The following DHX30 variants were observed in gnomAD, a reference collection of about 807,000 sequenced individuals.
The protein encoded by DHX30 is DExH-box helicase 30.
A neutral mutation model predicts 116.9 loss-of-function variants in DHX30; 4 were observed. The ratio of observed to expected loss-of-function variants is 0.03; its 90% confidence interval spans 0.02 to 0.08. The LOEUF (loss-of-function observed/expected upper bound fraction) is 0.08, where lower values mean the gene tolerates loss of function less well. DHX30 is among the 10% of genes least tolerant of loss of function. DHX30 has a pLI of 1.00. For synonymous variants in DHX30, 697 were observed against 651.7 expected, an observed-to-expected ratio of 1.07 and a Z score of -1.06; for missense variants, 871 against 1,595.1, an observed-to-expected ratio of 0.55 and a Z score of 7.73.
intron 4 of DHX30, among the ~76,000 whole-genome samples, chr3:47,822,776 C>T (rs1334660751): frequency 6.6e-6 from 1 of 151,316 alleles, no homozygotes; most frequent in Admixed American, 6.6e-5. Flanking sequence ...CAGAACAAGA[C>T]TCTGTCTCAA....
At chr3:47,804,100 T>C (rs2035417282) in intron 1 of DHX30, among the ~76,000 whole-genome samples, 1 of 152,200 alleles carries the variant, frequency 6.6e-6, no homozygotes, top group African/African-American at 2.4e-5. Flanking sequence ...CCCACTGTCA[T>C]TGTGGGTTTT....
In DHX30 at chr3:47,848,808, G is replaced by T; in HGVS notation, c.2760G>T (p.Glu920Asp). 1 of 1,611,520 alleles carries T rather than the reference G, an allele frequency of 6.2e-7. No homozygotes were observed. Among genetic ancestry groups the T allele is most frequent in the Non-Finnish European group, 8.5e-7 (1 of 1,177,824 alleles). ...GCAGCAGCCTACAGAACCGGGCAGA[G>T]GTGGACAAGGTCAGTCCTGGCTCCT... ...PFSSSLQNRA[E>D]VDKVKALLSH... Residue 920 changes from glutamate to aspartate, a missense_variant, in exon 17 of 22, where the codon GAG becomes GAT. Glu to Asp is a conservative substitution (Grantham distance 45). This residue lies in a region of DHX30 where 238 missense variants were observed against 481.0 expected (regional missense o/e 0.49). Coordinates refer to ENST00000445061, the MANE Select transcript of DHX30 (RefSeq NM_138615.3). This position sits in a 1 kb window ranked among gnomAD's most constrained non-coding sequence, Gnocchi z 9.4.
At chr3:47,805,012 A>G (rs1475411740) in intron 1 of DHX30, among the ~76,000 whole-genome samples, 1 of 152,234 alleles carries the variant, frequency 6.6e-6, no homozygotes, top group Non-Finnish European at 1.5e-5. Flanking sequence ...TTAGAACTCA[A>G]AGTGGAAGTA....
At chr3:47,811,133 T>C (rs1212851168) in intron 3 of DHX30, among the ~76,000 whole-genome samples, 82 of 151,748 alleles carry the variant, frequency 5.4e-4, no homozygotes, top group Non-Finnish European at 1.2e-4. Flanking sequence ...TTTTTTTTTT[T>C]AGTTGAGACG....
In DHX30 at chr3:47,816,627, A is replaced by G. The variant is rs2036071773; in HGVS notation, c.29-1395A>G. On this transcript the variant is annotated intron_variant, in intron 3 of 21. Transcript: ENST00000445061. The stretch of plus-strand genomic sequence containing the variant: ...GGCCTCAGCCTCCCAAAGTGCTGGG[A>G]TTATAGGCGTGAGCCACCGCGCCGG... 1.6e-5 allele frequency: 16 copies of G among 985,422 alleles called. No homozygotes were observed. The South Asian group carries it at 7.0e-4, about 43-fold the overall frequency. The allele number at this position is 985,422 out of a possible 1,614,324, so 61.0% of individuals were successfully genotyped here. A position where few individuals can be genotyped will look rare whatever the true frequency, so the allele number is the denominator to read the frequency against.
rs75998143 is a variant in DHX30 at position 47,817,499 on chromosome 3, G to A, written c.29-523G>A. On this transcript the variant is annotated intron_variant, in intron 3 of 21. Transcript: ENST00000445061. ...AGAGGGAGAAGGCTGGTAAGTGTGCGTCTGGTTTTAGCTCTCAAGCTGGAC... is the reference window on the plus strand; with the variant it reads ...AGAGGGAGAAGGCTGGTAAGTGTGCATCTGGTTTTAGCTCTCAAGCTGGAC... Among the ~76,000 whole-genome samples, 465 of 152,294 alleles carry A rather than the reference G, an allele frequency of 3.1e-3. 3 individuals are homozygous for A. The highest frequency in any genetic ancestry group is 0.01 in the African/African-American group (435 of 41,568).
At chr3:47,829,366 C>CA (rs1341277500) in intron 6 of DHX30, among the ~76,000 whole-genome samples, 7 of 99,646 alleles carry the variant, frequency 7.0e-5, no homozygotes, top group Non-Finnish European at 1.3e-4. Context: ...TCCTTTGAGT[C>CA]AGAGTTTCAC....
intron 6 of DHX30, among the ~76,000 whole-genome samples, chr3:47,834,611 AG>A (rs2037020496): frequency 6.6e-6 from 1 of 151,916 alleles, no homozygotes; most frequent in South Asian, 2.1e-4. Flanking sequence ...CTGAGACTGC[AG>A]GTGTGCGCCA....
intron 4 of DHX30, among the ~76,000 whole-genome samples, chr3:47,819,505 C>T (rs1449008040): frequency 2.0e-5 from 3 of 152,194 alleles, no homozygotes; most frequent in African/African-American, 7.2e-5. Flanking sequence ...AGGAGGCATC[C>T]GTGGGTGTGT....
At position 47,846,957 on chromosome 3, in the gene DHX30, A is replaced by G; in HGVS notation, c.1885A>G (p.Lys629Glu). ...GCACTACCTAGAGGACATCCTGGCC[A>G]AGTTGGGCAAGCACCAGTACCTGCA... is the stretch of plus-strand genomic sequence containing the variant. ...KEHYLEDILA[K>E]LGKHQYLHRH... The change falls in exon 11 of 22, where the codon AAG becomes GAG. Residue 629 changes from lysine to glutamate, a missense_variant. Lys to Glu is a moderately conservative substitution (Grantham distance 56). Coordinates refer to ENST00000445061, the MANE Select transcript of DHX30 (RefSeq NM_138615.3). The G allele has an allele frequency of 6.2e-7, 1 of 1,613,502 alleles. No homozygotes were observed.
rs1438448104 is a variant in DHX30, at chr3:47,846,218, C to G, written c.1146C>G (p.Asp382Glu). 6.2e-7 allele frequency: 1 copy of G among 1,614,120 alleles called. No individual in the cohort carries two copies. Among genetic ancestry groups the G allele is most frequent in the South Asian group, 1.1e-5 (1 of 91,088 alleles). ...IAPELRLQSD[D>E]ILPLGKDSGP... ...CAGAACTCCGGCTGCAGAGTGATGA[C>G]ATCTTGCCCTTGGGCAAGGACTCAG... is the stretch of plus-strand genomic sequence containing the variant. Residue 382 changes from aspartate (D) to glutamate (E), a missense_variant, in exon 11 of 22, where the codon GAC becomes GAG. This residue lies in a region of DHX30 where 175 missense variants were observed against 292.9 expected (regional missense o/e 0.60). Coordinates refer to ENST00000445061, the MANE Select transcript of DHX30 (RefSeq NM_138615.3).
intron 6 of DHX30, among the ~76,000 whole-genome samples, chr3:47,833,316 C>T (rs555998623): frequency 6.6e-5 from 10 of 151,378 alleles, no homozygotes; most frequent in Non-Finnish European, 1.2e-4. Flanking sequence ...CTTGAGTCCA[C>T]GAGTTTGAGA....
intron 10 of DHX30, 142 bp from the exon 11 acceptor site, chr3:47,846,023 C>T (rs1456859821): frequency 3.2e-5 from 44 of 1,392,082 alleles, no homozygotes; most frequent in Non-Finnish European, 4.0e-5. Context: ...ACAAGGATCC[C>T]GGGGCAGTCA....
rs544472859 is a variant in DHX30 at position 47,816,612 on chromosome 3, T to A, written c.29-1410T>A. 1.9e-4 allele frequency: 189 copies of A among 985,182 alleles called. No individual in the cohort carries two copies. The African/African-American group carries it at 3.1e-3, about 16-fold the overall frequency. 61.0% of individuals were successfully genotyped at this position (985,182 alleles called of 1,614,324 possible). ...ACCTTGTGATCCGCTGGCCTCAGCC[T>A]CCCAAAGTGCTGGGATTATAGGCGT... On this transcript the variant is annotated intron_variant, in intron 3 of 21. Transcript: ENST00000445061.
rs758106066 is a variant in DHX30 at position 47,848,398 on chromosome 3, C to T, written c.2493+12C>T. ...TGCCTGAGAAGACGGTGCGGCGGGG[C>T]GGGGCAGGGGCTGGCCTGGGGACCA... On this transcript the variant is annotated intron_variant, in intron 15 of 21. Transcript: ENST00000445061. This position sits in a 1 kb window ranked among gnomAD's most constrained non-coding sequence, Gnocchi z 9.4. The T allele has an allele frequency of 2.0e-5, 33 of 1,613,712 alleles. No individual in the cohort carries two copies. Among genetic ancestry groups the T allele is most frequent in the Middle Eastern group, 1.6e-4 (1 of 6,084 alleles).
rs577198212 is a variant in DHX30, at chr3:47,848,908, C to A, written c.2770-12C>A. The A allele has an allele frequency of 1.3e-6, 2 of 1,598,614 alleles. No homozygotes were observed. The highest frequency in any genetic ancestry group is 1.7e-6 in the Non-Finnish European group (2 of 1,169,344). On this transcript the variant is annotated splice_polypyrimidine_tract_variant and intron_variant, in intron 17 of 21. Coordinates refer to ENST00000445061, the MANE Select transcript of DHX30 (RefSeq NM_138615.3). The surrounding 1 kb of genome is among the most constrained non-coding windows in gnomAD (Gnocchi z 9.4). ...CTGCCTGTGATCCGGCTGCCCTCTT[C>A]TCCCCTCCCAGGTGAAAGCACTGTT...
rs534828384 is a variant in DHX30 at position 47,825,624 on chromosome 3, T to C, written c.125-1723T>C. 1.6e-4 allele frequency among the ~76,000 whole-genome samples: 24 copies of C among 152,286 alleles called. No homozygotes were observed. In the South Asian group the frequency reaches 5.0e-3, roughly 32 times the overall value. ...ACTCCTGGGACATCAGGATCTCAAATAGAGACAGAATGACTGTTCTGGTGG... is the reference window on the plus strand; with the variant it reads ...ACTCCTGGGACATCAGGATCTCAAACAGAGACAGAATGACTGTTCTGGTGG... On this transcript the variant is annotated intron_variant, in intron 4 of 21. Coordinates refer to ENST00000445061, the MANE Select transcript of DHX30 (RefSeq NM_138615.3).
chr3:47,808,495 G>A (rs2035633636), intron 2 of DHX30, among the ~76,000 whole-genome samples: 1 of 151,796 alleles, frequency 6.6e-6, no homozygotes, highest in Non-Finnish European at 1.5e-5. Flanking sequence ...TGGGATTACA[G>A]GTGTGAACCA....
intron 6 of DHX30, among the ~76,000 whole-genome samples, chr3:47,835,170 A>ATTTTT (rs552610417): frequency 9.4e-6 from 1 of 106,504 alleles, no homozygotes; most frequent in African/African-American, 3.6e-5. Flanking sequence ...TGCCTGGCTA[A>ATTTTT]TTTTTTTTTT....
Sources: gnomAD v4.1 joint callset for allele counts (sites outside exome capture counted in the v4.1 genomes callset) on GRCh38, gnomAD v4.1.1 for gene constraint, gnomAD v4.1.1 regional missense constraint, Gnocchi (gnomAD v3.1) non-coding constraint, MANE v1.5 for transcripts, NCBI Gene and HGNC (gene_info 2026-07-23, HGNC 2026-07-21) for gene names.